Variants in SV2C observed in about 807,000 individuals in gnomAD.
The protein encoded by SV2C is synaptic vesicle glycoprotein 2C, also known as solute carrier family 22 member B3.
SV2C carries 49 observed loss-of-function variants against 79.7 expected under a neutral mutation model. The ratio of observed to expected loss-of-function variants is 0.61; its 90% CI spans 0.49 to 0.78. The LOEUF is 0.78. Ranked by LOEUF, SV2C falls within the 30% of genes least tolerant of loss-of-function variation. The pLI, the probability that SV2C is intolerant of heterozygous loss-of-function variation, is 0.00. For synonymous variants in SV2C, 334 were observed against 333.2 expected (o/e 1.00, Z -0.03); for missense variants, 833 against 912.9 (o/e 0.91, Z 1.13).
the SV2C span, among the ~76,000 whole-genome samples, chr5:75,885,415 A>C: frequency 3.8e-4 from 58 of 152,162 alleles, no homozygotes; most frequent in South Asian, 6.2e-4. Flanking sequence ...GGCAAAGGAC[A>C]GGCAGATTTG....
chr5:76,059,526 C>T, the SV2C span, among the ~76,000 whole-genome samples: 3 of 151,364 alleles, frequency 2.0e-5, no homozygotes, highest in Non-Finnish European at 4.4e-5. Context: ...GAAGCAATTC[C>T]TCACCCATTC....
chr5:76,341,344 C>A (rs1264963545), intron 12 of SV2C, among the ~76,000 whole-genome samples: 1 of 152,004 alleles, frequency 6.6e-6, no homozygotes, highest in Non-Finnish European at 1.5e-5. Flanking sequence ...TCAAGACCAG[C>A]CTGAACAGCA....
intron 3 of SV2C, among the ~76,000 whole-genome samples, chr5:76,203,022 AC>A (rs1235512769): frequency 2.0e-5 from 3 of 152,230 alleles, no homozygotes; most frequent in African/African-American, 7.2e-5. Flanking sequence ...ATTGGAAAGC[AC>A]TGTCTTAGGC....
the SV2C span, among the ~76,000 whole-genome samples, chr5:76,066,537 T>C: frequency 6.6e-6 from 1 of 151,242 alleles, no homozygotes; most frequent in African/African-American, 2.4e-5. Context: ...CACACCAACA[T>C]GGCACATGTA....
intron 1 of SV2C, among the ~76,000 whole-genome samples, chr5:76,129,034 CT>C (rs1428523339): frequency 2.0e-5 from 3 of 152,310 alleles, no homozygotes; most frequent in East Asian, 3.9e-4. Flanking sequence ...AACTCTGCCC[CT>C]GAACAGTCTG....
chr5:75,963,974 C>CTCTTAT, the SV2C span, among the ~76,000 whole-genome samples: 1 of 151,780 alleles, frequency 6.6e-6, no homozygotes, highest in East Asian at 1.9e-4. Context: ...AAGGGTTTTT[C>CTCTTAT]TCTTATTCTT....
chr5:76,260,158 C>A (rs924262018), intron 4 of SV2C, among the ~76,000 whole-genome samples: 1 of 152,150 alleles, frequency 6.6e-6, no homozygotes, highest in African/African-American at 2.4e-5. Context: ...GATGGTATAT[C>A]ATTGTGATTT....
chr5:75,878,067 G>C, the SV2C span, among the ~76,000 whole-genome samples: 1 of 152,018 alleles, frequency 6.6e-6, no homozygotes, highest in Non-Finnish European at 1.5e-5. Context: ...AGGGTGAATT[G>C]TATGCACGCC....
the SV2C span, among the ~76,000 whole-genome samples, chr5:75,918,806 T>C: frequency 6.6e-6 from 1 of 152,228 alleles, no homozygotes; most frequent in South Asian, 2.1e-4. Context: ...ACAGAGTGGA[T>C]ATGCAGAAGA....
At chr5:75,920,727 G>A in the SV2C span, 2,513 of 765,568 alleles carry the variant, frequency 3.3e-3, 46 homozygotes, top group African/African-American at 0.037. Context: ...CTCAATCTGC[G>A]TCTCCTTGAA....
chr5:76,171,587 C>A (rs1209141998), intron 2 of SV2C, among the ~76,000 whole-genome samples: 1 of 145,254 alleles, frequency 6.9e-6, no homozygotes. Context: ...CGCCGGGCAG[C>A]CACCCCGTCC....
intron 2 of SV2C, among the ~76,000 whole-genome samples, chr5:76,170,526 T>TA (rs565776568): frequency 1.9e-3 from 245 of 126,930 alleles, no homozygotes; most frequent in African/African-American, 4.3e-3. Context: ...GTTAAATCAT[T>TA]AAAAAATTGT....
intron 4 of SV2C, among the ~76,000 whole-genome samples, chr5:76,239,697 A>G (rs1745723199): frequency 6.6e-6 from 1 of 152,184 alleles, no homozygotes; most frequent in Non-Finnish European, 1.5e-5. Context: ...TCACTATTAA[A>G]GGTTAGCACC....
At chr5:76,037,620 C>G in the SV2C span, among the ~76,000 whole-genome samples, 1 of 152,142 alleles carries the variant, frequency 6.6e-6, no homozygotes, top group African/African-American at 2.4e-5. Context: ...TCTCCAGCTG[C>G]GTGCTGGGAG....
chr5:76,170,761 TAAAA>T (rs1279491279), intron 2 of SV2C, among the ~76,000 whole-genome samples: 1 of 148,664 alleles, frequency 6.7e-6, no homozygotes, highest in African/African-American at 2.4e-5. Flanking sequence ...TTTTAAAAAT[TAAAA>T]AAACTGAGAA....
intron 1 of SV2C, among the ~76,000 whole-genome samples, chr5:76,129,123 C>T (rs184805335): frequency 6.6e-5 from 10 of 152,262 alleles, no homozygotes; most frequent in East Asian, 1.9e-4. Context: ...GGTTTAACTC[C>T]GTATTTTGAA....
the SV2C span, among the ~76,000 whole-genome samples, chr5:76,033,497 A>G: frequency 2.0e-5 from 3 of 152,214 alleles, no homozygotes; most frequent in Non-Finnish European, 4.4e-5. Flanking sequence ...CCATTTATTA[A>G]AGAGGGAATC....
chr5:76,192,510 G>C (rs1355094021), intron 2 of SV2C, among the ~76,000 whole-genome samples: 2 of 152,190 alleles, frequency 1.3e-5, no homozygotes, highest in Admixed American at 6.5e-5. Context: ...TGTCTGCTCT[G>C]AGTTTTCAAG....
chr5:75,888,990 T>C, the SV2C span, among the ~76,000 whole-genome samples: 1 of 152,050 alleles, frequency 6.6e-6, no homozygotes, highest in African/African-American at 2.4e-5. Flanking sequence ...TTGGCTGTCT[T>C]CTCTCTATGT....
Sources: allele counts gnomAD v4.1 joint callset (sites outside exome capture counted in the v4.1 genomes callset), GRCh38; gene constraint gnomAD v4.1.1; transcripts MANE v1.5; gene names NCBI Gene and HGNC (gene_info 2026-07-23, HGNC 2026-07-21).